ANO6: variants seen among roughly 807,000 people sequenced by gnomAD.
ANO6 encodes anoctamin-6.
Under a neutral mutation model 117.5 loss-of-function variants are expected in ANO6, and 106 were observed. That is an observed-to-expected ratio of 0.90 (90% CI 0.77 to 1.06). The LOEUF (loss-of-function observed/expected upper bound fraction) is 1.06. Among genes scored for constraint, ANO6 ranks in the 50% least tolerant of loss-of-function variants. ANO6 has a pLI of 0.00. For synonymous variants in ANO6, 367 were observed against 385.1 expected, an observed-to-expected ratio of 0.95 and a Z score of 0.55; for missense variants, 955 against 1,121.1, an observed-to-expected ratio of 0.85 and a Z score of 2.12.
chr12:45,355,546 G>A (rs1941388231), intron 7 of ANO6, among the ~76,000 whole-genome samples: 1 of 152,120 alleles, frequency 6.6e-6, no homozygotes, highest in Admixed American at 6.5e-5. Flanking sequence ...ATTACAGAAA[G>A]CATAACCAAA....
intron 19 of ANO6, chr12:45,439,577 C>T (rs1943746644): frequency 8.8e-7 from 1 of 1,131,846 alleles, no homozygotes; most frequent in Non-Finnish European, 1.2e-6. Flanking sequence ...AAGGTAAATA[C>T]TAACACTCAT....
At chr12:45,401,617 A>G (rs74080884) in intron 12 of ANO6, among the ~76,000 whole-genome samples, 178 bp from the exon 13 acceptor site, 7,378 of 152,054 alleles carry the variant, frequency 0.049, 328 homozygotes, top group African/African-American at 0.11. Flanking sequence ...TTTCACTTCC[A>G]TCATTCCTTT....
In ANO6 at chr12:45,429,399, A is replaced by T. The variant is rs563267211; in HGVS notation, c.*88A>T. The T allele has an allele frequency of 5.2e-6, 8 of 1,545,902 alleles. No individual in the cohort carries two copies. Among genetic ancestry groups the T allele is most frequent in the Non-Finnish European group, 7.0e-6 (8 of 1,149,134 alleles). On this transcript the variant is annotated 3_prime_UTR_variant, in exon 20 of 20. Transcript: ENST00000320560. ...CTAATGAGAATGTGTAAGTTAAATCACTTTGGCAAATATGAGTCTCAACTA... is the reference window on the plus strand; with the variant it reads ...CTAATGAGAATGTGTAAGTTAAATCTCTTTGGCAAATATGAGTCTCAACTA...
chr12:45,238,252 G>T (rs2137156861), intron 1 of ANO6, among the ~76,000 whole-genome samples: 1 of 150,718 alleles, frequency 6.6e-6, no homozygotes. Context: ...CCGGGTTCAA[G>T]TGATTCTCCT....
At chr12:45,422,720 C>T (rs1051114087) in intron 18 of ANO6, among the ~76,000 whole-genome samples, 3 of 152,054 alleles carry the variant, frequency 2.0e-5, no homozygotes, top group Non-Finnish European at 2.9e-5. Context: ...ATTACAAGCA[C>T]GTGCTACCAC....
At chr12:45,316,888 AC>A (rs1383246513) in intron 2 of ANO6, among the ~76,000 whole-genome samples, 1 of 150,044 alleles carries the variant, frequency 6.7e-6, no homozygotes, top group Non-Finnish European at 1.5e-5. Context: ...AAAAGTATCG[AC>A]CTCAGAGTTT....
chr12:45,371,755 TG>T (rs1489788693), intron 9 of ANO6, among the ~76,000 whole-genome samples: 1 of 151,996 alleles, frequency 6.6e-6, no homozygotes, highest in Non-Finnish European at 1.5e-5. Context: ...ACCACAAAGA[TG>T]GGGGAAAAAC....
intron 1 of ANO6, among the ~76,000 whole-genome samples, chr12:45,219,707 T>C (rs530986698): frequency 6.6e-6 from 1 of 152,194 alleles, no homozygotes; most frequent in Non-Finnish European, 1.5e-5. Context: ...GAATCAAGGA[T>C]AGTACATCTC....
At chr12:45,323,375 G>A (rs556581671) in intron 2 of ANO6, among the ~76,000 whole-genome samples, 11 of 152,138 alleles carry the variant, frequency 7.2e-5, no homozygotes, top group Non-Finnish European at 1.5e-4. Context: ...ACCTATTAAA[G>A]ACAGCTAAAA....
At chr12:45,365,325 A>G (rs965492775) in intron 8 of ANO6, among the ~76,000 whole-genome samples, 1 of 152,168 alleles carries the variant, frequency 6.6e-6, no homozygotes, top group African/African-American at 2.4e-5. Flanking sequence ...CTGCAATCTC[A>G]GGAATATGTT....
At chr12:45,419,084 A>G (rs1943287649) in intron 17 of ANO6, among the ~76,000 whole-genome samples, 1 of 152,238 alleles carries the variant, frequency 6.6e-6, no homozygotes, top group Non-Finnish European at 1.5e-5. Context: ...AAAATCATTC[A>G]TTTTAAAGCT....
chr12:45,313,739 C>T lies in ANO6; in HGVS notation c.150+11646C>T, dbSNP rs571136739. 1.4e-4 allele frequency among the ~76,000 whole-genome samples: 22 copies of T among 152,020 alleles called. No individual in the cohort carries two copies. The South Asian group carries it at 4.6e-3, about 32-fold the overall frequency. On this transcript the variant is annotated intron_variant, in intron 2 of 19. Coordinates refer to ENST00000320560, the MANE Select transcript of ANO6 (RefSeq NM_001025356.3). ...TCAAGAGGTTGAGAGTTAATCATAC[C>T]CAGCAATATTATAAAATACCAACAG...
intron 1 of ANO6, among the ~76,000 whole-genome samples, chr12:45,262,555 G>A (rs551867152): frequency 6.6e-6 from 1 of 152,118 alleles, no homozygotes; most frequent in Non-Finnish European, 1.5e-5. Context: ...CTCCCGAGCA[G>A]CTGGGATTAC....
At chr12:45,379,141 A>G (rs183119228) in intron 10 of ANO6, among the ~76,000 whole-genome samples, 10 of 152,352 alleles carry the variant, frequency 6.6e-5, no homozygotes, top group Admixed American at 6.5e-4. Flanking sequence ...GGTTATAGGA[A>G]GGCAGAGGAA....
intron 16 of ANO6, 51 bp from the exon 17 acceptor site, chr12:45,416,648 T>C: frequency 6.4e-7 from 1 of 1,572,486 alleles, no homozygotes; most frequent in Non-Finnish European, 8.7e-7. Flanking sequence ...GGAAAATATG[T>C]TGTCCTTCCA....
chr12:45,216,366 G>A lies in ANO6; in HGVS notation c.45G>A (p.Glu15=), dbSNP rs763167975. The A allele has an allele frequency of 5.0e-6, 8 of 1,613,080 alleles. No homozygotes were observed. The highest frequency in any genetic ancestry group is 5.9e-6 in the Non-Finnish European group (7 of 1,179,476). Residue 15 remains glutamate (E), a synonymous_variant, in exon 1 of 20, where the codon GAG becomes GAA. Transcript: ENST00000320560. ...ATGTTTTGCTACAAATGGAGGAGGA[G>A]GAGGACGACGACGATGGGGATATCG... ...SRNVLLQMEE[E]EDDDDGDIVL...
chr12:45,304,917 G>A (rs541174640), intron 2 of ANO6, among the ~76,000 whole-genome samples: 5 of 152,234 alleles, frequency 3.3e-5, no homozygotes, highest in East Asian at 3.9e-4. Flanking sequence ...AACCTCCCAA[G>A]TGGCCTGGAG....
chr12:45,254,371 G>A (rs1937736568), intron 1 of ANO6, among the ~76,000 whole-genome samples: 1 of 152,204 alleles, frequency 6.6e-6, no homozygotes. Flanking sequence ...TGGGGATGTT[G>A]TGGATCATCA....
At chr12:45,357,210 TA>T in intron 7 of ANO6, 79 bp from the exon 8 acceptor site, 1 of 1,529,530 alleles carries the variant, frequency 6.5e-7, no homozygotes, top group East Asian at 2.3e-5. Context: ...CTCCTTTATT[TA>T]AAATCAGAAA....
Sources: allele counts gnomAD v4.1 joint callset (sites outside exome capture counted in the v4.1 genomes callset), GRCh38; gene constraint gnomAD v4.1.1; transcripts MANE v1.5; gene names NCBI Gene and HGNC (gene_info 2026-07-23, HGNC 2026-07-21).